POLE2: variants seen among roughly 807,000 people sequenced by gnomAD.
The protein encoded by POLE2 is DNA polymerase epsilon subunit 2.
A neutral mutation model predicts 79.4 loss-of-function variants in POLE2; 56 were observed. The ratio of observed to expected loss-of-function variants is 0.71; its 90% confidence interval spans 0.57 to 0.88. The LOEUF (loss-of-function observed/expected upper bound fraction) is 0.88. Ranked by LOEUF, POLE2 falls within the 40% of genes least tolerant of loss-of-function variation. The probability of loss-of-function intolerance (pLI) is 0.00; values close to 1 mark genes in which losing one functional copy is unlikely to be tolerated. For missense variants in POLE2, 598 were observed against 638.9 expected, an observed-to-expected ratio of 0.94 and a Z score of 0.69; for synonymous variants, 212 against 214.0, an observed-to-expected ratio of 0.99 and a Z score of 0.08.
chr14:49,673,152 A>C (rs1461244860), intron 5 of POLE2, among the ~76,000 whole-genome samples: 1 of 151,540 alleles, frequency 6.6e-6, no homozygotes, highest in Non-Finnish European at 1.5e-5. Flanking sequence ...TGATGCCCTC[A>C]TTCTACACCC....
chr14:49,677,739 T>C, intron 3 of POLE2: 2 of 1,376,810 alleles, frequency 1.5e-6, no homozygotes, highest in South Asian at 1.5e-5. Flanking sequence ...CAACTCAGCA[T>C]CCCACAAAGC....
rs45601740 is a variant in POLE2, at chr14:49,672,801, C to T, written c.417+1322G>A. 4.9e-3 allele frequency among the ~76,000 whole-genome samples: 744 copies of T among 152,050 alleles called. 5 individuals are homozygous for T. The highest frequency in any genetic ancestry group is 0.017 in the African/African-American group (705 of 41,516). On this transcript the variant is annotated intron_variant, in intron 5 of 18. Transcript: ENST00000216367. ...GGCGTGAGCCACTGCGCCTAGCCTC[C>T]CTCTTGTCTTTTTATCACTTCTCTT... is the stretch of plus-strand genomic sequence containing the variant.
Position 49,654,087 on chromosome 14 carries a change from G to T in POLE2, c.1134-20C>A. 1.3e-6 allele frequency: 2 copies of T among 1,582,396 alleles called. No individual in the cohort carries two copies. The highest frequency in any genetic ancestry group is 1.7e-6 in the Non-Finnish European group (2 of 1,152,884). ...GGTGGCCTATAAAAACAATTTATGT[G>T]ATATAGTTTATCTTTTTAAGTTTTA... On this transcript the variant is annotated intron_variant, in intron 14 of 18. Transcript: ENST00000216367.
At chr14:49,651,197 A>G in intron 16 of POLE2, 72 bp downstream of exon 16, 1 of 681,856 alleles carries the variant, frequency 1.5e-6, no homozygotes, top group Non-Finnish European at 2.6e-6. Flanking sequence ...AGGACAAATT[A>G]TTAAGTGGCT....
At chr14:49,643,754 A>G in intron 18 of POLE2, 84 bp from the exon 19 acceptor site, 1 of 662,114 alleles carries the variant, frequency 1.5e-6, no homozygotes, top group South Asian at 2.0e-5. Context: ...TTAAATAGGT[A>G]TAGTTAATTG....
At position 49,655,870 on chromosome 14, in the gene POLE2, C is replaced by G. The variant is rs574232136; in HGVS notation, c.756-27G>C. ...TAGATAATTATAACATAATTATCTT[C>G]TATATACCACTAGAGATATTTTTCT... On this transcript the variant is annotated intron_variant, in intron 10 of 18. Transcript: ENST00000216367. The G allele has an allele frequency of 5.1e-5, 55 of 1,085,886 alleles. No homozygotes were observed. The South Asian group carries it at 7.3e-4, about 14-fold the overall frequency. 67.3% of individuals were successfully genotyped at this position (1,085,886 alleles called of 1,614,324 possible).
intron 3 of POLE2, among the ~76,000 whole-genome samples, chr14:49,676,999 G>C (rs528846310): frequency 6.6e-6 from 1 of 152,238 alleles, no homozygotes; most frequent in Non-Finnish European, 1.5e-5. Context: ...CATGCACTGT[G>C]TGCCTGCTCT....
At chr14:49,673,680 T>C (rs548674105) in intron 5 of POLE2, among the ~76,000 whole-genome samples, 2 of 152,330 alleles carry the variant, frequency 1.3e-5, no homozygotes, top group East Asian at 3.9e-4. Flanking sequence ...TGGTAAAGTA[T>C]AGTAGGCAAT....
intron 1 of POLE2, among the ~76,000 whole-genome samples, chr14:49,687,459 G>C (rs886966355): frequency 2.0e-5 from 3 of 151,916 alleles, no homozygotes; most frequent in African/African-American, 7.2e-5. Context: ...CACATAAATT[G>C]GCAACTGCAG....
At chr14:49,679,142 G>A (rs1463110925) in intron 3 of POLE2, among the ~76,000 whole-genome samples, 1 of 152,038 alleles carries the variant, frequency 6.6e-6, no homozygotes, top group Non-Finnish European at 1.5e-5. Context: ...TGTTAAAACT[G>A]TCTCTCAGCC....
chr14:49,648,773 A>G, intron 17 of POLE2, among the ~76,000 whole-genome samples: 1 of 152,236 alleles, frequency 6.6e-6, no homozygotes, highest in Non-Finnish European at 1.5e-5. Flanking sequence ...GCCAAGGCCG[A>G]TAAGCCATGT....
rs45469197 is a variant in POLE2 at position 49,667,487 on chromosome 14, T to C, written c.493-1074A>G. ...AGGACATTTAAGTTGTTCCCAGTTT[T>C]CTACTAATAAAAACAATGTTTAATA... On this transcript the variant is annotated intron_variant, in intron 6 of 18. Coordinates refer to ENST00000216367, the MANE Select transcript of POLE2 (RefSeq NM_002692.4). 8.3e-3 allele frequency among the ~76,000 whole-genome samples: 1,260 copies of C among 152,230 alleles called. 20 individuals are homozygous for C. The highest frequency in any genetic ancestry group is 0.028 in the African/African-American group (1,182 of 41,550).
intron 2 of POLE2, chr14:49,681,277 G>A: frequency 4.6e-6 from 1 of 215,118 alleles, no homozygotes; most frequent in Non-Finnish European, 9.9e-6. Flanking sequence ...CAGTGTGGCA[G>A]TGGCAAGAGG....
At chr14:49,685,963 T>G (rs1302514335) in intron 1 of POLE2, among the ~76,000 whole-genome samples, 1 of 152,064 alleles carries the variant, frequency 6.6e-6, no homozygotes, top group Non-Finnish European at 1.5e-5. Context: ...CCAAACCACT[T>G]CTGCAGTGAA....
intron 17 of POLE2, among the ~76,000 whole-genome samples, chr14:49,649,361 T>TG (rs1884028757): frequency 1.3e-5 from 2 of 151,202 alleles, no homozygotes; most frequent in Admixed American, 1.3e-4. Flanking sequence ...TTAGCCAGGA[T>TG]GGTCTCGATC....
chr14:49,646,301 GGTTTTT>G (rs1883756667), intron 18 of POLE2, among the ~76,000 whole-genome samples: 1 of 90,758 alleles, frequency 1.1e-5, no homozygotes, highest in African/African-American at 4.8e-5. Context: ...TTTTTTTGTT[GGTTTTT>G]TTTTTTTTTT....
At position 49,651,739 on chromosome 14, in the gene POLE2, AAG is replaced by A. The variant is rs1009288222; in HGVS notation, c.1212-364_1212-363del. Among the ~76,000 whole-genome samples the A allele has an allele frequency of 6.6e-5, 10 of 152,314 alleles. No homozygotes were observed. The East Asian group carries it at 1.9e-3, about 29-fold the overall frequency. On this transcript the variant is annotated intron_variant, in intron 15 of 18. Coordinates refer to ENST00000216367, the MANE Select transcript of POLE2 (RefSeq NM_002692.4). ...GGCTAAGAGGGACAGCATATGTGGT[AAG>A]AGAGAGCCTAGAAGGCGGGCATATT...
At chr14:49,677,807 C>A in intron 3 of POLE2, 1 of 596,346 alleles carries the variant, frequency 1.7e-6, no homozygotes. Flanking sequence ...TGTGGACCTG[C>A]AGCAGCACCC....
rs748650515 is a variant in POLE2, at chr14:49,674,123, C to T, written c.417G>A (p.Gln139=). ...CCCCTCCGCCCCCTACCAAACTTAC[C>T]TGGTGCAAAATGGTATATCGCTCAC... ...MFRERYTILH[Q]RTHRHELFTP... The change falls in exon 5 of 19, where the codon CAG becomes CAA. Residue 139 remains glutamine, a splice_region_variant and synonymous_variant. Transcript: ENST00000216367. 16 of 1,593,206 alleles carry T rather than the reference C, an allele frequency of 1.0e-5. No homozygotes were observed. The South Asian group carries it at 1.3e-4, about 13-fold the overall frequency.
Sources: allele counts gnomAD v4.1 joint callset (sites outside exome capture counted in the v4.1 genomes callset), GRCh38; gene constraint gnomAD v4.1.1; transcripts MANE v1.5; gene names NCBI Gene and HGNC (gene_info 2026-07-23, HGNC 2026-07-21).